FMO1: variants seen among roughly 807,000 people sequenced by gnomAD.
FMO1 encodes flavin containing dimethylaniline monoxygenase 1.
FMO1 carries 36 observed loss-of-function variants against 45.4 expected under a neutral mutation model. The observed-to-expected ratio is 0.79, with a 90% CI of 0.61 to 1.05. FMO1 has a LOEUF of 1.05. Among genes scored for constraint, FMO1 ranks in the 50% least tolerant of loss-of-function variants. FMO1 has a pLI of 0.00. For synonymous variants in FMO1, 228 were observed against 227.2 expected, an observed-to-expected ratio of 1.00 and a Z score of -0.03; for missense variants, 615 against 640.3, an observed-to-expected ratio of 0.96 and a Z score of 0.43.
chr1:171,253,000 T>C (rs28384826), intron 1 of FMO1, among the ~76,000 whole-genome samples: 2,261 of 152,332 alleles, frequency 0.015, 66 homozygotes, highest in African/African-American at 0.052. Flanking sequence ...ATTGATATTG[T>C]GCGCCTCCAC....
rs757460639 is a variant in FMO1 at position 171,279,560 on chromosome 1, C to T, written c.627+689C>T. 7.2e-5 allele frequency among the ~76,000 whole-genome samples: 11 copies of T among 152,264 alleles called. 1 individual carries two copies. The South Asian group carries it at 1.9e-3, about 26-fold the overall frequency. ...AGCCTACGTTCCTAACTATCCTCTT[C>T]TACCTCCTACCTTCAGGCTTCTCAA... On this transcript the variant is annotated intron_variant, in intron 5 of 8. Transcript: ENST00000617670.
chr1:171,283,907 G>A (rs1367254700), intron 8 of FMO1, among the ~76,000 whole-genome samples: 3 of 152,124 alleles, frequency 2.0e-5, no homozygotes, highest in Non-Finnish European at 2.9e-5. Flanking sequence ...AACATTTACT[G>A]TCTGGCCTTT....
intron 3 of FMO1, chr1:171,270,357 T>C (rs1660798089): frequency 6.5e-6 from 1 of 154,254 alleles, no homozygotes; most frequent in Non-Finnish European, 1.4e-5. Flanking sequence ...ATGCAGGGTG[T>C]GTAGACAAAA....
chr1:171,271,266 C>A (rs1660851920), intron 3 of FMO1: 7 of 1,161,210 alleles, frequency 6.0e-6, no homozygotes, highest in South Asian at 1.4e-5. Flanking sequence ...TTGGGTGATA[C>A]TCAGAGCAGA....
intron 8 of FMO1, among the ~76,000 whole-genome samples, chr1:171,284,983 C>T (rs1165856540): frequency 6.6e-6 from 1 of 152,104 alleles, no homozygotes; most frequent in East Asian, 1.9e-4. Flanking sequence ...GCACTCAGAG[C>T]ACCCATTAAA....
intron 2 of FMO1, 108 bp from the exon 3 acceptor site, chr1:171,267,435 T>G: frequency 1.5e-6 from 1 of 669,596 alleles, no homozygotes; most frequent in Non-Finnish European, 2.5e-6. Flanking sequence ...TATTTCTATA[T>G]TCTCCTGTGC....
chr1:171,270,984 A>T (rs1411618883), intron 3 of FMO1: 3 of 898,090 alleles, frequency 3.3e-6, no homozygotes, highest in South Asian at 2.9e-5. Context: ...CATCTTCTTC[A>T]TCTACCTCCT....
chr1:171,258,014 C>A, intron 1 of FMO1, 68 bp from the exon 2 acceptor site: 1 of 1,587,066 alleles, frequency 6.3e-7, no homozygotes, highest in African/African-American at 1.3e-5. Flanking sequence ...TTTTTCCTGG[C>A]TTGTTAGAGC....
At chr1:171,252,226 C>G (rs1005770094) in intron 1 of FMO1, among the ~76,000 whole-genome samples, 1 of 152,144 alleles carries the variant, frequency 6.6e-6, no homozygotes, top group African/African-American at 2.4e-5. Context: ...ATGCCAGATC[C>G]TCCGATCCCA....
Position 171,280,911 on chromosome 1 carries a change from TGTGACTTG to T in FMO1, c.756_763del (p.Thr253AspfsTer31). 6.2e-7 allele frequency: 1 copy of T among 1,613,924 alleles called. No homozygotes were observed. The highest frequency in any genetic ancestry group is 8.5e-7 in the Non-Finnish European group (1 of 1,179,862). On this transcript the variant is annotated frameshift_variant, in exon 6 of 9. Transcript: ENST00000617670. LOFTEE classifies it high-confidence loss of function. Reference sequence around the variant, plus strand: ...TGAGAAATTCCCTCCCAACCCCAATTGTGACTTGGTTGATGGAGCGAAAGATAAACAAC... The same window carrying T: ...TGAGAAATTCCCTCCCAACCCCAATTGTTGATGGAGCGAAAGATAAACAAC...
In FMO1 at chr1:171,267,623, C is replaced by G; in HGVS notation, c.213C>G (p.Asp71Glu). ...GCAAGGAGATGTCTTGTTACTCAGA[C>G]TTTCCATTCCCAGAAGATTATCCAA... ...NSCKEMSCYS[D>E]FPFPEDYPNY... The change falls in exon 3 of 9, where the codon GAC (aspartate) becomes GAG (glutamate). Residue 71 changes from aspartate (D) to glutamate (E), a missense_variant. By Grantham distance (45) the Asp-to-Glu change is conservative (BLOSUM62 2). Coordinates refer to ENST00000617670, the MANE Select transcript of FMO1 (RefSeq NM_001282693.2). 6.2e-7 allele frequency: 1 copy of G among 1,613,940 alleles called. No homozygotes were observed. The highest frequency in any genetic ancestry group is 1.1e-5 in the South Asian group (1 of 91,074).
intron 2 of FMO1, among the ~76,000 whole-genome samples, chr1:171,265,651 A>C (rs1360509519): frequency 6.6e-6 from 1 of 152,214 alleles, no homozygotes; most frequent in Non-Finnish European, 1.5e-5. Context: ...TGCCACACAA[A>C]TATTTTGTAT....
In FMO1 at chr1:171,261,468, A is replaced by G. The variant is rs189264192; in HGVS notation, c.132+3249A>G. Among the ~76,000 whole-genome samples the G allele has an allele frequency of 4.2e-3, 634 of 152,364 alleles. 1 individual carries two copies. Among genetic ancestry groups the G allele is most frequent in the Non-Finnish European group, 7.0e-3 (473 of 68,038 alleles). On this transcript the variant is annotated intron_variant, in intron 2 of 8. Transcript: ENST00000617670. ...TTCAGAAGGGAATTCTTACTGCCTTAGGGTGGAAGGGACCATAATGCAAAA... is the reference window on the plus strand; with the variant it reads ...TTCAGAAGGGAATTCTTACTGCCTTGGGGTGGAAGGGACCATAATGCAAAA...
chr1:171,276,801 C>T (rs1383132018), intron 4 of FMO1, among the ~76,000 whole-genome samples: 3 of 152,146 alleles, frequency 2.0e-5, no homozygotes, highest in Non-Finnish European at 4.4e-5. Flanking sequence ...CAAAGTCACA[C>T]AAGTTTACAT....
rs1378360706 is a variant in FMO1, at chr1:171,252,454, T to C, written c.-7+3831T>C. ...CCATACCCATCAAAACTGGACCAAC[T>C]GCCCTCGTCTCTTTCCCTAGGGCCA... On this transcript the variant is annotated intron_variant, in intron 1 of 8. Transcript: ENST00000617670. Among the ~76,000 whole-genome samples, 3 of 152,130 alleles carry C rather than the reference T, an allele frequency of 2.0e-5. No individual in the cohort carries two copies. In the East Asian group the frequency reaches 5.8e-4, roughly 29 times the overall value.
At chr1:171,253,894 G>A (rs1160243783) in intron 1 of FMO1, 2 of 152,112 alleles carry the variant, frequency 1.3e-5, no homozygotes, top group African/African-American at 4.8e-5. Flanking sequence ...TTAACAAAAA[G>A]TTGTGTATTT....
chr1:171,255,884 A>G (rs1347180998), intron 1 of FMO1, among the ~76,000 whole-genome samples: 1 of 152,106 alleles, frequency 6.6e-6, no homozygotes, highest in Non-Finnish European at 1.5e-5. Flanking sequence ...TGCCAATATC[A>G]TATGTATATA....
chr1:171,267,401 A>C, intron 2 of FMO1, 142 bp from the exon 3 acceptor site: 1 of 552,502 alleles, frequency 1.8e-6, no homozygotes, highest in Non-Finnish European at 3.1e-6. Context: ...TCATTCAAAT[A>C]AATACTACTT....
At chr1:171,283,762 C>T (rs1237049769) in intron 8 of FMO1, among the ~76,000 whole-genome samples, 2 of 152,092 alleles carry the variant, frequency 1.3e-5, no homozygotes, top group Admixed American at 1.3e-4. Context: ...GGAAACCATA[C>T]TGGCCATAAA....
Sources: allele counts gnomAD v4.1 joint callset (sites outside exome capture counted in the v4.1 genomes callset), GRCh38; gene constraint gnomAD v4.1.1; transcripts MANE v1.5; gene names NCBI Gene and HGNC (gene_info 2026-07-23, HGNC 2026-07-21).